The following TRIB2 variants were observed in gnomAD, a reference collection of about 807,000 sequenced individuals.
The protein encoded by TRIB2 is tribbles homolog 2.
TRIB2 carries 2 observed loss-of-function variants against 26.8 expected under a neutral mutation model. The ratio of observed to expected loss-of-function variants is 0.07; its 90% confidence interval spans 0.03 to 0.24. TRIB2 has a LOEUF of 0.24. TRIB2 is among the 10% of genes least tolerant of loss of function. The pLI is 1.00. For missense variants in TRIB2, 306 were observed against 449.0 expected (o/e 0.68, Z 2.88); for synonymous variants, 189 against 187.3 (o/e 1.01, Z -0.08).
At position 12,727,380 on chromosome 2, in the gene TRIB2, C is replaced by T. The variant is rs551033405; in HGVS notation, c.563+3828C>T. 2.6e-5 allele frequency among the ~76,000 whole-genome samples: 4 copies of T among 152,254 alleles called. 1 individual carries two copies. In the South Asian group the frequency reaches 6.2e-4, roughly 24 times the overall value. ...GGTTCTTGAAGAATTAAGTCGCTCGCCTGGGCAGCCTATTCAGTGAAGAGT... is the reference window on the plus strand; with the variant it reads ...GGTTCTTGAAGAATTAAGTCGCTCGTCTGGGCAGCCTATTCAGTGAAGAGT... On this transcript the variant is annotated intron_variant, in intron 2 of 2. Coordinates refer to ENST00000155926, the MANE Select transcript of TRIB2 (RefSeq NM_021643.4).
Position 12,732,356 on chromosome 2 carries a change from C to G in TRIB2, c.564-7970C>G, listed in dbSNP as rs1410036361. ...TTTCCAAGCAAGTTCCTTCATCTGT[C>G]TCTAAGCTGCTGTAGTCTCCTGCAT... On this transcript the variant is annotated intron_variant, in intron 2 of 2. Coordinates refer to ENST00000155926, the MANE Select transcript of TRIB2 (RefSeq NM_021643.4). The surrounding 1 kb of genome is among the most constrained non-coding windows in gnomAD (Gnocchi z 4.2). Among the ~76,000 whole-genome samples, 1 of 152,200 alleles carries G rather than the reference C, an allele frequency of 6.6e-6. No individual in the cohort carries two copies. The highest frequency in any genetic ancestry group is 2.4e-5 in the African/African-American group (1 of 41,454).
At position 12,740,674 on chromosome 2, in the gene TRIB2, C is replaced by T; in HGVS notation, c.912C>T (p.Asp304=). 1.9e-6 allele frequency: 3 copies of T among 1,614,168 alleles called. No homozygotes were observed. Among genetic ancestry groups the T allele is most frequent in the Non-Finnish European group, 2.5e-6 (3 of 1,180,034 alleles). ...GGCTGACCTCGCAGGAAATTCTGGA[C>T]CATCCTTGGTTTTCTACAGATTTTA... ...SERLTSQEIL[D]HPWFSTDFSV... is the part of the protein sequence containing the mutation. Residue 304 remains aspartate, a synonymous_variant, in exon 3 of 3, where the codon GAC becomes GAT. Transcript: ENST00000155926. This position sits in a 1 kb window ranked among gnomAD's most constrained non-coding sequence, Gnocchi z 5.8.
chr2:12,724,875 A>G, intron 2 of TRIB2: 1 of 1,583,288 alleles, frequency 6.3e-7, no homozygotes, highest in Non-Finnish European at 8.6e-7. Flanking sequence ...GATACTGACA[A>G]AGGTATTCTC....
At position 12,717,155 on chromosome 2, in the gene TRIB2, A is replaced by G. The variant is rs1666609558; in HGVS notation, c.-1153A>G. 5.2e-6 allele frequency: 2 copies of G among 386,602 alleles called. No individual in the cohort carries two copies. The highest frequency in any genetic ancestry group is 2.1e-5 in the African/African-American group (1 of 48,332). The allele number at this position is 386,602 out of a possible 1,614,324, so 23.9% of individuals were successfully genotyped here. A position where few individuals can be genotyped will look rare whatever the true frequency, so the allele number is the denominator to read the frequency against. ...GGGGGGGGCAAGCAAGAAATCAAAG[A>G]AGGAGGAGACAAGCCGTCAATTTTC... On this transcript the variant is annotated 5_prime_UTR_variant, in exon 1 of 3. Transcript: ENST00000155926. This position sits in a 1 kb window ranked among gnomAD's most constrained non-coding sequence, Gnocchi z 4.8.
At chr2:12,726,963 C>G (rs6753723) in intron 2 of TRIB2, among the ~76,000 whole-genome samples, 1 of 151,970 alleles carries the variant, frequency 6.6e-6, no homozygotes, top group Non-Finnish European at 1.5e-5. Context: ...GAACTGCCAG[C>G]GCCTTCAGTC....
rs866118195 is a variant in TRIB2 at position 12,718,978 on chromosome 2, G to T, written c.270+401G>T. ...CGGTAATTTTAAGACTGATGACTTC[G>T]TTCTTTTCGCAGCCATTGTTCTTAG... On this transcript the variant is annotated intron_variant, in intron 1 of 2. Transcript: ENST00000155926. The surrounding 1 kb of genome is among the most constrained non-coding windows in gnomAD (Gnocchi z 4.0). 1.3e-5 allele frequency among the ~76,000 whole-genome samples: 2 copies of T among 152,158 alleles called. No homozygotes were observed. Among genetic ancestry groups the T allele is most frequent in the Non-Finnish European group, 2.9e-5 (2 of 68,030 alleles).
At chr2:12,733,211 C>T (rs1458950152) in intron 2 of TRIB2, among the ~76,000 whole-genome samples, 1 of 152,142 alleles carries the variant, frequency 6.6e-6, no homozygotes, top group African/African-American at 2.4e-5. Flanking sequence ...CTTTCTGTTA[C>T]CTCAGTTTCT....
chr2:12,733,440 G>A (rs1252865381), intron 2 of TRIB2, among the ~76,000 whole-genome samples: 7 of 152,190 alleles, frequency 4.6e-5, no homozygotes, highest in African/African-American at 1.2e-4. Flanking sequence ...GGACAATGGC[G>A]TTAGAGTCCA....
chr2:12,725,808 G>A (rs570759143), intron 2 of TRIB2, among the ~76,000 whole-genome samples: 3 of 152,372 alleles, frequency 2.0e-5, no homozygotes, highest in Admixed American at 6.5e-5. Flanking sequence ...ACTGTAGGGA[G>A]CTGGCCTATA....
chr2:12,718,101 C>G lies in TRIB2; in HGVS notation c.-207C>G. 2 of 669,458 alleles carry G rather than the reference C, an allele frequency of 3.0e-6. No homozygotes were observed. Among genetic ancestry groups the G allele is most frequent in the Admixed American group, 6.2e-5 (2 of 32,354 alleles). 41.5% of individuals were successfully genotyped at this position (669,458 alleles called of 1,614,324 possible). A position where few individuals can be genotyped will look rare whatever the true frequency, so the allele number is the denominator to read the frequency against. ...CCGAGTTGCCTGCCGACCGAGGACCCCCGGGAGCCGGGCTCGGAGCAGACG... is the reference window on the plus strand; with the variant it reads ...CCGAGTTGCCTGCCGACCGAGGACCGCCGGGAGCCGGGCTCGGAGCAGACG... On this transcript the variant is annotated 5_prime_UTR_variant, in exon 1 of 3. Transcript: ENST00000155926. The surrounding 1 kb of genome is among the most constrained non-coding windows in gnomAD (Gnocchi z 4.0).
At position 12,742,043 on chromosome 2, in the gene TRIB2, G is replaced by A. The variant is rs1661720668; in HGVS notation, c.*1249G>A. On this transcript the variant is annotated 3_prime_UTR_variant, in exon 3 of 3. Transcript: ENST00000155926. Reference sequence around the variant, plus strand: ...CAGTACTTCAATTACGGGTTGACTTGGGATGACATATTACATGCTGTAGTT... The same window carrying A: ...CAGTACTTCAATTACGGGTTGACTTAGGATGACATATTACATGCTGTAGTT... 1.3e-5 allele frequency: 2 copies of A among 152,596 alleles called. No homozygotes were observed. Among genetic ancestry groups the A allele is most frequent in the Admixed American group, 6.5e-5 (1 of 15,280 alleles). The allele number at this position is 152,596 out of a possible 1,614,324, so 9.5% of individuals were successfully genotyped here. A position where few individuals can be genotyped will look rare whatever the true frequency, so the allele number is the denominator to read the frequency against.
At chr2:12,735,090 G>C (rs1173255087) in intron 2 of TRIB2, among the ~76,000 whole-genome samples, 1 of 152,172 alleles carries the variant, frequency 6.6e-6, no homozygotes, top group Non-Finnish European at 1.5e-5. Flanking sequence ...CCGCCTGTCA[G>C]ACCTCCCTCC....
chr2:12,725,673 G>A lies in TRIB2; in HGVS notation c.563+2121G>A, dbSNP rs560458910. Among the ~76,000 whole-genome samples the A allele has an allele frequency of 2.0e-5, 3 of 152,376 alleles. No individual in the cohort carries two copies. In the South Asian group the frequency reaches 6.2e-4, roughly 32 times the overall value. On this transcript the variant is annotated intron_variant, in intron 2 of 2. Transcript: ENST00000155926. Reference sequence around the variant, plus strand: ...GCGAAAGAGCATGACCCTGTCCAGAGATAACCAGAAAGGAGTATCCAGTGT... The same window carrying A: ...GCGAAAGAGCATGACCCTGTCCAGAAATAACCAGAAAGGAGTATCCAGTGT...
rs1434882386 is a variant in TRIB2, at chr2:12,740,442, G to A, written c.680G>A (p.Ser227Asn). The A allele has an allele frequency of 1.9e-6, 3 of 1,614,046 alleles. No individual in the cohort carries two copies. The African/African-American group carries it at 4.0e-5, about 22-fold the overall frequency. ...AYVSPEILNT[S>N]GSYSGKAADV... Reference sequence around the variant, plus strand: ...GTAAGCCCAGAGATCTTGAACACCAGTGGCAGCTACTCGGGCAAAGCAGCC... The same window carrying A: ...GTAAGCCCAGAGATCTTGAACACCAATGGCAGCTACTCGGGCAAAGCAGCC... The change falls in exon 3 of 3, where the codon AGT becomes AAT. Residue 227 changes from serine to asparagine, a missense_variant. Ser to Asn is a conservative substitution (Grantham distance 46). This residue lies in a region of TRIB2 where 118 missense variants were observed against 188.8 expected (regional missense o/e 0.63). Coordinates refer to ENST00000155926, the MANE Select transcript of TRIB2 (RefSeq NM_021643.4). The surrounding 1 kb of genome is among the most constrained non-coding windows in gnomAD (Gnocchi z 5.8).
In TRIB2 at chr2:12,718,698, G is replaced by C. The variant is rs1367451312; in HGVS notation, c.270+121G>C. The C allele has an allele frequency of 1.5e-6, 2 of 1,317,306 alleles. No homozygotes were observed. The highest frequency in any genetic ancestry group is 3.0e-5 in the African/African-American group (2 of 67,150). 81.6% of individuals were successfully genotyped at this position (1,317,306 alleles called of 1,614,324 possible). On this transcript the variant is annotated intron_variant, in intron 1 of 2. Coordinates refer to ENST00000155926, the MANE Select transcript of TRIB2 (RefSeq NM_021643.4). The surrounding 1 kb of genome is among the most constrained non-coding windows in gnomAD (Gnocchi z 4.0). ...ATAATTACCGTGGCCTTATTAAATG[G>C]GTTTATTTATTTATTTGCTCAGGTT...
In TRIB2 at chr2:12,717,411, G is replaced by C. The variant is rs1666615984; in HGVS notation, c.-897G>C. 1 of 398,492 alleles carries C rather than the reference G, an allele frequency of 2.5e-6. No homozygotes were observed. The allele number at this position is 398,492 out of a possible 1,614,324, so 24.7% of individuals were successfully genotyped here. On this transcript the variant is annotated 5_prime_UTR_variant, in exon 1 of 3. Coordinates refer to ENST00000155926, the MANE Select transcript of TRIB2 (RefSeq NM_021643.4). This position sits in a 1 kb window ranked among gnomAD's most constrained non-coding sequence, Gnocchi z 4.8. ...GTCCTCGTTCTCTCCTGCACGTCTG[G>C]CTGCATTCGGAGGAAGACCTGGGGC...
chr2:12,738,742 G>A (rs1661641981), intron 2 of TRIB2, among the ~76,000 whole-genome samples: 1 of 152,182 alleles, frequency 6.6e-6, no homozygotes, highest in Non-Finnish European at 1.5e-5. Flanking sequence ...GGGGCGCTGG[G>A]TGGAGGAAGC....
intron 2 of TRIB2, chr2:12,724,485 A>T (rs957477131): frequency 7.3e-7 from 1 of 1,377,470 alleles, no homozygotes; most frequent in African/African-American, 1.4e-5. Context: ...GTAGTTCCTG[A>T]ATGAGGCCCC....
intron 1 of TRIB2, 109 bp from the exon 2 acceptor site, chr2:12,723,151 A>G: frequency 1.6e-6 from 2 of 1,269,952 alleles, no homozygotes; most frequent in Non-Finnish European, 2.2e-6. Context: ...CAAGTTCAGC[A>G]TATTTTCTGT....
Sources: allele counts gnomAD v4.1 joint callset (sites outside exome capture counted in the v4.1 genomes callset), GRCh38; gene constraint gnomAD v4.1.1; regional missense constraint gnomAD v4.1.1; non-coding constraint Gnocchi (gnomAD v3.1); transcripts MANE v1.5; gene names NCBI Gene and HGNC (gene_info 2026-07-23, HGNC 2026-07-21).